AKAP7: variants seen among roughly 807,000 people sequenced by gnomAD.
AKAP7 encodes A kinase (PRKA) anchor protein 7.
Under a neutral mutation model 39.5 loss-of-function variants are expected in AKAP7, and 39 were observed. The ratio of observed to expected loss-of-function variants is 0.99; its 90% CI spans 0.76 to 1.29. The LOEUF (loss-of-function observed/expected upper bound fraction) is 1.29. Among genes scored for constraint, AKAP7 ranks in the 50% most tolerant of loss-of-function variants. The pLI is 0.00. For synonymous variants in AKAP7, 140 were observed against 139.1 expected (o/e 1.01, Z -0.05); for missense variants, 414 against 407.7 (o/e 1.02, Z -0.13).
chr6:131,225,690 G>A (rs771434052), intron 7 of AKAP7, among the ~76,000 whole-genome samples: 1 of 151,614 alleles, frequency 6.6e-6, no homozygotes, highest in Non-Finnish European at 1.5e-5. Flanking sequence ...TTTCCATGTA[G>A]GCTTTTAATT....
chr6:131,253,639 C>CTCTA (rs1554219335), intron 7 of AKAP7, among the ~76,000 whole-genome samples: 2 of 151,194 alleles, frequency 1.3e-5, no homozygotes, highest in Non-Finnish European at 2.9e-5. Context: ...CATCATTCCA[C>CTCTA]TCTATCTCCA....
chr6:131,202,218 T>C (rs1485219601), intron 6 of AKAP7, among the ~76,000 whole-genome samples: 12 of 149,274 alleles, frequency 8.0e-5, no homozygotes, highest in African/African-American at 2.7e-4. Flanking sequence ...CTCAGGGATC[T>C]AGAACTAGAA....
At chr6:131,239,321 C>G (rs965228988) in intron 7 of AKAP7, among the ~76,000 whole-genome samples, 5 of 152,202 alleles carry the variant, frequency 3.3e-5, no homozygotes, top group African/African-American at 1.2e-4. Context: ...CCCAACCTTT[C>G]TCTCTGGCTG....
intron 2 of AKAP7, among the ~76,000 whole-genome samples, chr6:131,151,131 C>G (rs1303367747): frequency 6.6e-6 from 1 of 151,934 alleles, no homozygotes; most frequent in Admixed American, 6.6e-5. Flanking sequence ...CAACCTCTGC[C>G]TCCTGGGTTC....
chr6:131,193,786 A>G (rs1806649873), intron 5 of AKAP7, among the ~76,000 whole-genome samples: 1 of 152,070 alleles, frequency 6.6e-6, no homozygotes, highest in African/African-American at 2.4e-5. Flanking sequence ...CATAGATTGT[A>G]TGTGTCTAGG....
chr6:131,158,492 G>C (rs542171821), intron 2 of AKAP7, among the ~76,000 whole-genome samples: 1 of 152,184 alleles, frequency 6.6e-6, no homozygotes, highest in Admixed American at 6.5e-5. Flanking sequence ...GTCTCTGTGA[G>C]GTACTCTATT....
chr6:131,183,928 G>C (rs1224858329), intron 5 of AKAP7, among the ~76,000 whole-genome samples: 1 of 152,164 alleles, frequency 6.6e-6, no homozygotes, highest in Non-Finnish European at 1.5e-5. Context: ...CGCCTCTGGG[G>C]GATGGGAAAA....
chr6:131,155,685 G>A (rs1204154891), intron 2 of AKAP7, among the ~76,000 whole-genome samples: 5 of 152,114 alleles, frequency 3.3e-5, no homozygotes, highest in East Asian at 1.9e-4. Flanking sequence ...ATTTAGAATC[G>A]TGTTTCTCTA....
chr6:131,159,198 A>G (rs1383109603), intron 2 of AKAP7, among the ~76,000 whole-genome samples: 2 of 152,000 alleles, frequency 1.3e-5, no homozygotes, highest in African/African-American at 2.4e-5. Context: ...GGTTCATGCC[A>G]TTCTCCTGCC....
intron 2 of AKAP7, among the ~76,000 whole-genome samples, chr6:131,146,510 T>C (rs1195085074): frequency 2.0e-5 from 3 of 152,160 alleles, no homozygotes; most frequent in Admixed American, 6.6e-5. Flanking sequence ...ACACTGTCCA[T>C]GATATTTGGG....
At chr6:131,278,937 A>G (rs1209994402) in intron 7 of AKAP7, among the ~76,000 whole-genome samples, 1 of 152,172 alleles carries the variant, frequency 6.6e-6, no homozygotes, top group African/African-American at 2.4e-5. Flanking sequence ...ATGGTGTGGA[A>G]GCCTCTGAGG....
chr6:131,247,611 C>T (rs546382669), intron 7 of AKAP7, among the ~76,000 whole-genome samples: 21 of 151,518 alleles, frequency 1.4e-4, no homozygotes, highest in Admixed American at 1.1e-3. Context: ...TGAGCCACCG[C>T]GCCTGGCCAT....
intron 4 of AKAP7, 142 bp from the exon 5 acceptor site, chr6:131,168,971 G>C (rs1803767198): frequency 1.4e-6 from 1 of 706,552 alleles, no homozygotes; most frequent in African/African-American, 1.8e-5. Flanking sequence ...ATAAAGTTTA[G>C]ATTTAGAAGG....
the AKAP7 span, among the ~76,000 whole-genome samples, chr6:131,128,400 T>G: frequency 2.6e-5 from 4 of 152,200 alleles, no homozygotes; most frequent in Admixed American, 6.5e-5. Flanking sequence ...TAAACTTTCA[T>G]GAACTGCTTA....
chr6:131,139,186 G>A (rs1015325420), intron 1 of AKAP7, among the ~76,000 whole-genome samples: 1 of 152,196 alleles, frequency 6.6e-6, no homozygotes, highest in African/African-American at 2.4e-5. Context: ...TGGAGGAAGT[G>A]TTCTAAATAT....
chr6:131,159,436 G>T (rs1223682859), intron 2 of AKAP7, among the ~76,000 whole-genome samples: 1 of 152,032 alleles, frequency 6.6e-6, no homozygotes. Flanking sequence ...GTTGCCAATG[G>T]ATACTTTTGT....
At chr6:131,190,616 G>A (rs1049771861) in intron 5 of AKAP7, among the ~76,000 whole-genome samples, 5 of 151,154 alleles carry the variant, frequency 3.3e-5, no homozygotes, top group African/African-American at 1.2e-4. Context: ...TTGCAATACA[G>A]CCTGGGTGAC....
At chr6:131,178,792 T>A (rs887816209) in intron 5 of AKAP7, among the ~76,000 whole-genome samples, 1 of 152,170 alleles carries the variant, frequency 6.6e-6, no homozygotes, top group African/African-American at 2.4e-5. Context: ...AGTCATTTGC[T>A]TTTTTGCGCC....
chr6:131,127,251 T>C, the AKAP7 span, among the ~76,000 whole-genome samples: 4 of 152,126 alleles, frequency 2.6e-5, no homozygotes, highest in African/African-American at 9.7e-5. Flanking sequence ...GCCAGGCTGG[T>C]CTCTAACTCC....
Sources: allele counts gnomAD v4.1 joint callset (sites outside exome capture counted in the v4.1 genomes callset), GRCh38; gene constraint gnomAD v4.1.1; transcripts MANE v1.5; gene names NCBI Gene and HGNC (gene_info 2026-07-23, HGNC 2026-07-21).